The following ABCC4 variants were observed in gnomAD, a reference collection of about 807,000 sequenced individuals.
ABCC4 encodes ATP-binding cassette sub-family C member 4.
In ABCC4, 102 loss-of-function variants were observed where a neutral mutation model predicts 168.5. The ratio of observed to expected loss-of-function variants is 0.61; its 90% CI spans 0.52 to 0.71. The LOEUF is 0.71. ABCC4 is among the 30% of genes least tolerant of loss of function. ABCC4 has a pLI of 0.00. For synonymous variants in ABCC4, 617 were observed against 590.7 expected, an observed-to-expected ratio of 1.04 and a Z score of -0.65; for missense variants, 1,402 against 1,605.8, an observed-to-expected ratio of 0.87 and a Z score of 2.17.
chr13:95,268,034 AAGAG>A (rs1366269947), intron 1 of ABCC4, among the ~76,000 whole-genome samples: 1 of 152,206 alleles, frequency 6.6e-6, no homozygotes, highest in Non-Finnish European at 1.5e-5. Flanking sequence ...GGGGAGAAGA[AAGAG>A]AGATCAGACT....
chr13:95,196,647 A>G lies in ABCC4; in HGVS notation c.1162-1710T>C, dbSNP rs796082861. Among the ~76,000 whole-genome samples the G allele has an allele frequency of 2.2e-3, 59 of 26,790 alleles. 6 individuals carry two copies. Among genetic ancestry groups the G allele is most frequent in the Non-Finnish European group, 2.5e-3 (37 of 14,650 alleles). 17.6% of individuals were successfully genotyped at this position (26,790 alleles called of 152,430 possible). ...AAGGAAGGAAGGAAGGAAGGAAGGAAGGAAGGAAGGAAGGAAGGAAGGAAG... is the reference window on the plus strand; with the variant it reads ...AAGGAAGGAAGGAAGGAAGGAAGGAGGGAAGGAAGGAAGGAAGGAAGGAAG... On this transcript the variant is annotated intron_variant, in intron 8 of 30. Transcript: ENST00000645237.
chr13:95,135,420 T>C (rs2036115217), intron 19 of ABCC4, among the ~76,000 whole-genome samples: 2 of 151,404 alleles, frequency 1.3e-5, no homozygotes, highest in African/African-American at 2.4e-5. Flanking sequence ...ATAATTCTTT[T>C]TTTTTTTTTT....
chr13:95,035,709 T>C (rs1230240955), intron 29 of ABCC4, among the ~76,000 whole-genome samples: 3 of 152,226 alleles, frequency 2.0e-5, no homozygotes, highest in Non-Finnish European at 4.4e-5. Context: ...TATTAGTGGC[T>C]TTGGTTAATG....
At chr13:95,154,021 C>A (rs2036776661) in intron 19 of ABCC4, among the ~76,000 whole-genome samples, 1 of 152,126 alleles carries the variant, frequency 6.6e-6, no homozygotes, top group South Asian at 2.1e-4. Flanking sequence ...GATAACCCGA[C>A]AGGATTTAAT....
Position 95,196,585 on chromosome 13 carries a change from G to GA in ABCC4, c.1162-1649dup, listed in dbSNP as rs372477082. Among the ~76,000 whole-genome samples the GA allele has an allele frequency of 2.4e-3, 10 of 4,190 alleles. No individual in the cohort carries two copies. The East Asian group carries it at 0.065, about 27-fold the overall frequency. The allele number at this position is 4,190 out of a possible 152,430, so 2.7% of individuals were successfully genotyped here. A position where few individuals can be genotyped will look rare whatever the true frequency, so the allele number is the denominator to read the frequency against. Reference sequence around the variant, plus strand: ...GGAAAGGAGGAAAGGAGGAAAGGAGGAAGGAAGGAAGGAAGGAAGGAAGGA... The same window carrying GA: ...GGAAAGGAGGAAAGGAGGAAAGGAGGAAAGGAAGGAAGGAAGGAAGGAAGGA... On this transcript the variant is annotated intron_variant, in intron 8 of 30. Coordinates refer to ENST00000645237, the MANE Select transcript of ABCC4 (RefSeq NM_005845.5).
chr13:95,251,450 A>T (rs7336202), intron 1 of ABCC4, among the ~76,000 whole-genome samples: 140,970 of 152,282 alleles, frequency 0.93, 65,459 homozygotes, highest in East Asian at 1. Context: ...ACAAGTTCAA[A>T]ATTTTATATT....
chr13:95,090,681 G>A (rs1442549405), intron 20 of ABCC4, among the ~76,000 whole-genome samples: 3 of 152,066 alleles, frequency 2.0e-5, no homozygotes, highest in African/African-American at 4.8e-5. Flanking sequence ...ATGAGAAAAG[G>A]AACTAGAAAA....
chr13:95,146,701 G>A lies in ABCC4; in HGVS notation c.2455+14488C>T, dbSNP rs533383505. 6.4e-4 allele frequency among the ~76,000 whole-genome samples: 97 copies of A among 152,336 alleles called. 1 individual carries two copies. In the South Asian group the frequency reaches 0.01, roughly 16 times the overall value. The stretch of plus-strand genomic sequence containing the variant: ...GTGGATGCTCAGAGGCAGAGAGACT[G>A]CAACAGATTTCTTGTTGCTTTGTTG... On this transcript the variant is annotated intron_variant, in intron 19 of 30. Transcript: ENST00000645237.
intron 5 of ABCC4, among the ~76,000 whole-genome samples, 191 bp from the exon 6 acceptor site, chr13:95,209,788 T>TG (rs2038900968): frequency 6.6e-6 from 1 of 152,180 alleles, no homozygotes; most frequent in South Asian, 2.1e-4. Flanking sequence ...AAACAAAGAG[T>TG]GGGTCTGGGA....
At chr13:95,124,713 GAAAAAAAA>G (rs59665124) in intron 19 of ABCC4, among the ~76,000 whole-genome samples, 4 of 59,218 alleles carry the variant, frequency 6.8e-5, no homozygotes, top group East Asian at 6.3e-4. Context: ...TACTAAAAAC[GAAAAAAAA>G]AAAAAAAAAA....
chr13:95,196,541 C>T (rs533283250), intron 8 of ABCC4, among the ~76,000 whole-genome samples: 2 of 138,110 alleles, frequency 1.4e-5, no homozygotes, highest in Admixed American at 7.3e-5. Flanking sequence ...AGTGCAAGAC[C>T]CTGTCAAAAA....
chr13:95,032,420 G>T (rs1943754946), intron 30 of ABCC4, among the ~76,000 whole-genome samples: 1 of 152,192 alleles, frequency 6.6e-6, no homozygotes, highest in African/African-American at 2.4e-5. Context: ...TATTGTCAAT[G>T]ACTAGGGGCA....
chr13:95,039,102 T>A (rs942696707), intron 29 of ABCC4, among the ~76,000 whole-genome samples: 2 of 152,230 alleles, frequency 1.3e-5, no homozygotes, highest in Admixed American at 6.5e-5. Context: ...TTTACCCACT[T>A]AGCCTTTATG....
At chr13:95,253,513 G>A (rs1371478424) in intron 1 of ABCC4, among the ~76,000 whole-genome samples, 1 of 152,028 alleles carries the variant, frequency 6.6e-6, no homozygotes, top group Non-Finnish European at 1.5e-5. Flanking sequence ...GGGAGGCCGA[G>A]ACAGGTGGAT....
chr13:95,021,536 GA>G lies in ABCC4; in HGVS notation c.*38del. Reference sequence around the variant, plus strand: ...GGTTTACATAGTCCAAAAACTAGTGGAAAATGCCTTCGGAACGGACTTGACA... The same window carrying G: ...GGTTTACATAGTCCAAAAACTAGTGGAAATGCCTTCGGAACGGACTTGACA... On this transcript the variant is annotated 3_prime_UTR_variant, in exon 31 of 31. Transcript: ENST00000645237. 1 of 1,462,090 alleles carries G rather than the reference GA, an allele frequency of 6.8e-7. No individual in the cohort carries two copies. The highest frequency in any genetic ancestry group is 9.6e-7 in the Non-Finnish European group (1 of 1,045,908). 90.6% of individuals were successfully genotyped at this position (1,462,090 alleles called of 1,614,324 possible).
chr13:95,029,210 A>C (rs12429280), intron 30 of ABCC4, among the ~76,000 whole-genome samples: 1 of 50,302 alleles, frequency 2.0e-5, no homozygotes, highest in South Asian at 8.7e-4. Flanking sequence ...ATATATATAT[A>C]TATAGAGAGA....
chr13:95,180,204 C>A (rs903087192), intron 11 of ABCC4, among the ~76,000 whole-genome samples: 2 of 152,156 alleles, frequency 1.3e-5, no homozygotes, highest in South Asian at 2.1e-4. Context: ...CATTATTTCA[C>A]GTTATCTCTT....
intron 20 of ABCC4, among the ~76,000 whole-genome samples, chr13:95,111,824 T>C (rs1002783260): frequency 3.3e-5 from 5 of 151,830 alleles, no homozygotes; most frequent in Non-Finnish European, 5.9e-5. Flanking sequence ...ATCGGGAGAG[T>C]AATAAAATCT....
At chr13:95,079,662 C>G (rs2034025205) in intron 21 of ABCC4, among the ~76,000 whole-genome samples, 1 of 152,150 alleles carries the variant, frequency 6.6e-6, no homozygotes, top group South Asian at 2.1e-4. Context: ...TGGTGAATCC[C>G]TGTCTCTACT....
Sources: allele counts gnomAD v4.1 joint callset (sites outside exome capture counted in the v4.1 genomes callset), GRCh38; gene constraint gnomAD v4.1.1; transcripts MANE v1.5; gene names NCBI Gene and HGNC (gene_info 2026-07-23, HGNC 2026-07-21).